SGCG: variants seen among roughly 807,000 people sequenced by gnomAD.
SGCG encodes the protein sarcoglycan gamma, also known as gamma-sarcoglycan.
SGCG carries 26 observed loss-of-function variants against 29.3 expected under a neutral mutation model. That is an observed-to-expected ratio of 0.89 (90% CI 0.65 to 1.23). SGCG has a LOEUF of 1.23. Among genes scored for constraint, SGCG ranks in the 50% most tolerant of loss-of-function variants. The pLI is 0.00. For missense variants in SGCG, 353 were observed against 356.0 expected (o/e 0.99, Z 0.07); for synonymous variants, 145 against 129.7 (o/e 1.12, Z -0.80).
chr13:23,216,365 A>G lies in SGCG; in HGVS notation c.195+12476A>G, dbSNP rs116627409. ...ACCCAATAAATATTTTATGATTCAA[A>G]AAAAGTGTAAATATGAAAGATAACT... On this transcript the variant is annotated intron_variant, in intron 2 of 7. Coordinates refer to ENST00000218867, the MANE Select transcript of SGCG (RefSeq NM_000231.3). Among the ~76,000 whole-genome samples the G allele has an allele frequency of 3.3e-3, 508 of 152,272 alleles. 2 individuals are homozygous for G. The highest frequency in any genetic ancestry group is 0.012 in the African/African-American group (479 of 41,584).
intron 4 of SGCG, 73 bp from the exon 5 acceptor site, chr13:23,279,286 G>A (rs1417027425): frequency 6.5e-6 from 9 of 1,389,568 alleles, no homozygotes; most frequent in Non-Finnish European, 9.2e-6. Context: ...GGGTTGACGT[G>A]GCATGTGTAA....
At chr13:23,257,439 A>C (rs1207987616) in intron 4 of SGCG, among the ~76,000 whole-genome samples, 3 of 151,870 alleles carry the variant, frequency 2.0e-5, no homozygotes, top group African/African-American at 4.8e-5. Flanking sequence ...AGGGGTGGGC[A>C]TTTAGTGCTG....
At chr13:23,198,124 G>A (rs1010844328) in intron 1 of SGCG, among the ~76,000 whole-genome samples, 6 of 152,286 alleles carry the variant, frequency 3.9e-5, no homozygotes, top group African/African-American at 1.4e-4. Flanking sequence ...TGAGTTCTTA[G>A]ATAGAATTAA....
intron 3 of SGCG, among the ~76,000 whole-genome samples, chr13:23,235,590 A>G (rs1344436114): frequency 6.6e-6 from 1 of 152,220 alleles, no homozygotes; most frequent in African/African-American, 2.4e-5. Flanking sequence ...ATACGTTCAA[A>G]CAATGTTGGC....
intron 2 of SGCG, among the ~76,000 whole-genome samples, chr13:23,217,142 A>G (rs1566003378): frequency 6.6e-6 from 1 of 152,068 alleles, no homozygotes; most frequent in Non-Finnish European, 1.5e-5. Context: ...ATATGAGGAG[A>G]GGTTCTAATT....
intron 4 of SGCG, among the ~76,000 whole-genome samples, chr13:23,277,919 C>T (rs9510662): frequency 0.1 from 15,140 of 151,562 alleles, 872 homozygotes; most frequent in African/African-American, 0.14. Context: ...AGGATGGTCT[C>T]GATCTCCTGA....
intron 6 of SGCG, among the ~76,000 whole-genome samples, chr13:23,320,068 C>T (rs1882977876): frequency 6.6e-6 from 1 of 152,172 alleles, no homozygotes; most frequent in South Asian, 2.1e-4. Flanking sequence ...AAAGACCAAA[C>T]TTATATTCTG....
chr13:23,260,571 A>T (rs192230784), intron 4 of SGCG, among the ~76,000 whole-genome samples: 1 of 151,956 alleles, frequency 6.6e-6, no homozygotes, highest in Admixed American at 6.6e-5. Context: ...GTTATGTGTC[A>T]ATTTGATCCT....
chr13:23,250,861 A>C (rs1248287477), intron 4 of SGCG, 144 bp downstream of exon 4: 1 of 705,838 alleles, frequency 1.4e-6, no homozygotes, highest in Non-Finnish European at 2.6e-6. Context: ...TGTTGACCAC[A>C]GACTAGCACC....
At chr13:23,279,175 A>G (rs1217346166) in intron 4 of SGCG, among the ~76,000 whole-genome samples, 184 bp from the exon 5 acceptor site, 1 of 152,206 alleles carries the variant, frequency 6.6e-6, no homozygotes, top group South Asian at 2.1e-4. Context: ...AATTTTAATA[A>G]TACAATAGAT....
chr13:23,262,538 T>C (rs1434088963), intron 4 of SGCG, among the ~76,000 whole-genome samples: 1 of 151,920 alleles, frequency 6.6e-6, no homozygotes. Flanking sequence ...AGAAAAGAGA[T>C]AGACAGCAAA....
chr13:23,250,930 G>A (rs975117070), intron 4 of SGCG, among the ~76,000 whole-genome samples: 3 of 152,182 alleles, frequency 2.0e-5, no homozygotes, highest in African/African-American at 7.2e-5. Flanking sequence ...AGTTATTTTT[G>A]TTCCAAGAAA....
chr13:23,169,421 C>T, the SGCG span, among the ~76,000 whole-genome samples: 37 of 151,880 alleles, frequency 2.4e-4, no homozygotes, highest in Non-Finnish European at 5.0e-4. Flanking sequence ...TGGCTCACGC[C>T]TGTAATCCCA....
At chr13:23,312,544 A>T (rs989474430) in intron 6 of SGCG, among the ~76,000 whole-genome samples, 4 of 152,204 alleles carry the variant, frequency 2.6e-5, no homozygotes, top group Non-Finnish European at 5.9e-5. Flanking sequence ...TCACTTATAG[A>T]TGGAAACTAA....
chr13:23,275,129 A>ATATATC (rs1251496899), intron 4 of SGCG, among the ~76,000 whole-genome samples: 1 of 147,388 alleles, frequency 6.8e-6, no homozygotes, highest in Non-Finnish European at 1.5e-5. Flanking sequence ...GAATATATAT[A>ATATATC]TATATATATA....
At chr13:23,262,521 A>T (rs955528501) in intron 4 of SGCG, among the ~76,000 whole-genome samples, 2 of 152,064 alleles carry the variant, frequency 1.3e-5, no homozygotes, top group Non-Finnish European at 2.9e-5. Flanking sequence ...AATTACTACT[A>T]TACCTAAGAA....
intron 4 of SGCG, among the ~76,000 whole-genome samples, chr13:23,276,209 TA>T (rs1881060564): frequency 6.6e-6 from 1 of 151,966 alleles, no homozygotes; most frequent in African/African-American, 2.4e-5. Context: ...AGAATATTAA[TA>T]AAAGTTAGAA....
chr13:23,269,611 C>T (rs981302283), intron 4 of SGCG, among the ~76,000 whole-genome samples: 4 of 152,140 alleles, frequency 2.6e-5, no homozygotes, highest in Admixed American at 6.6e-5. Context: ...GGATAGCATA[C>T]GGTAGGTAGT....
At chr13:23,224,420 A>G (rs1300210453) in intron 2 of SGCG, among the ~76,000 whole-genome samples, 5 of 152,182 alleles carry the variant, frequency 3.3e-5, no homozygotes, top group African/African-American at 1.2e-4. Context: ...AGTCTAATAC[A>G]GTAGAATTCA....
Sources: allele counts gnomAD v4.1 joint callset (sites outside exome capture counted in the v4.1 genomes callset), GRCh38; gene constraint gnomAD v4.1.1; transcripts MANE v1.5; gene names NCBI Gene and HGNC (gene_info 2026-07-23, HGNC 2026-07-21).